DNAH3: variants seen among roughly 807,000 people sequenced by gnomAD.
DNAH3 encodes the protein axonemal beta dynein heavy chain 3.
DNAH3 carries 332 observed loss-of-function variants against 432.5 expected under a neutral mutation model. That is an observed-to-expected ratio of 0.77 (90% CI 0.70 to 0.84). The LOEUF (loss-of-function observed/expected upper bound fraction) is 0.84. Ranked by LOEUF, DNAH3 falls within the 40% of genes least tolerant of loss-of-function variation. The pLI, the probability that DNAH3 is intolerant of heterozygous loss-of-function variation, is 0.00. For synonymous variants in DNAH3, 1,956 were observed against 1,900.2 expected (o/e 1.03, Z -0.76); for missense variants, 4,861 against 5,114.0 (o/e 0.95, Z 1.51).
intron 16 of DNAH3, among the ~76,000 whole-genome samples, chr16:21,100,186 C>T (rs915411483): frequency 6.6e-6 from 1 of 152,104 alleles, no homozygotes; most frequent in Non-Finnish European, 1.5e-5. Context: ...ATTCTCCAGC[C>T]ACAGCCTCCC....
At chr16:21,023,689 T>C (rs368667112) in intron 39 of DNAH3, among the ~76,000 whole-genome samples, 1 of 151,942 alleles carries the variant, frequency 6.6e-6, no homozygotes. Context: ...CCAGATCACA[T>C]AGTCTCATGG....
intron 21 of DNAH3, among the ~76,000 whole-genome samples, chr16:21,071,524 C>T (rs1225796636): frequency 6.6e-6 from 1 of 152,170 alleles, no homozygotes; most frequent in Admixed American, 6.5e-5. Flanking sequence ...CTCAGAACTC[C>T]ACTCTCATGG....
rs753844968 is a variant in DNAH3, at chr16:20,941,561, A to G, written c.11512-18T>C. Reference sequence around the variant, plus strand: ...ACCACTTCCTTAAAATGCAGGCAGAAGAGAGGTGAGTGAGAAGCAAGCCCT... The same window carrying G: ...ACCACTTCCTTAAAATGCAGGCAGAGGAGAGGTGAGTGAGAAGCAAGCCCT... On this transcript the variant is annotated intron_variant, in intron 58 of 61. Transcript: ENST00000261383. The G allele has an allele frequency of 6.2e-7, 1 of 1,613,464 alleles. No individual in the cohort carries two copies. Among genetic ancestry groups the G allele is most frequent in the Admixed American group, 1.7e-5 (1 of 59,990 alleles).
chr16:21,128,818 C>G (rs1184344765), intron 7 of DNAH3, among the ~76,000 whole-genome samples: 1 of 149,554 alleles, frequency 6.7e-6, no homozygotes, highest in East Asian at 2.0e-4. Context: ...CTGATTGCAT[C>G]ACTGCACTCC....
intron 3 of DNAH3, among the ~76,000 whole-genome samples, chr16:21,144,893 G>A (rs1441150147): frequency 6.6e-6 from 1 of 151,992 alleles, no homozygotes; most frequent in Non-Finnish European, 1.5e-5. Context: ...TGAGGCAGGT[G>A]GATCACCTGA....
chr16:21,097,303 G>A (rs2091710067), intron 18 of DNAH3, 52 bp downstream of exon 18: 1 of 1,601,308 alleles, frequency 6.2e-7, no homozygotes. Context: ...GTGACTGGGT[G>A]GATCCTCCAC....
intron 19 of DNAH3, among the ~76,000 whole-genome samples, chr16:21,083,787 G>C (rs887320609): frequency 1.2e-4 from 18 of 152,114 alleles, no homozygotes; most frequent in Non-Finnish European, 2.6e-4. Context: ...CCAGGCCTGG[G>C]GCTGTCCCCA....
At chr16:20,945,781 C>T (rs1001521121) in intron 57 of DNAH3, among the ~76,000 whole-genome samples, 3 of 152,176 alleles carry the variant, frequency 2.0e-5, no homozygotes, top group Non-Finnish European at 2.9e-5. Flanking sequence ...TGAGCCACTG[C>T]GCCCGGCCTC....
At chr16:20,947,010 A>C (rs1322702320) in intron 57 of DNAH3, among the ~76,000 whole-genome samples, 1 of 151,512 alleles carries the variant, frequency 6.6e-6, no homozygotes, top group African/African-American at 2.4e-5. Flanking sequence ...TTTTTAGTAG[A>C]GACAGAATTT....
At chr16:21,125,142 C>T in intron 9 of DNAH3, 33 bp downstream of exon 10, 1 of 1,540,100 alleles carries the variant, frequency 6.5e-7, no homozygotes, top group South Asian at 1.3e-5. Flanking sequence ...GGTTATTCCC[C>T]TCAAAAGGTC....
At chr16:21,005,246 C>T (rs574417983) in intron 41 of DNAH3, among the ~76,000 whole-genome samples, 5 of 149,422 alleles carry the variant, frequency 3.3e-5, no homozygotes, top group Admixed American at 6.7e-5. Context: ...TCCCTCCCTC[C>T]CTTCTTCCTT....
At chr16:20,979,378 C>T (rs767871778) in exon 50 of DNAH3, 2 of 1,614,084 alleles carry the variant, frequency 1.2e-6, no homozygotes, top group Non-Finnish European at 8.5e-7. Context: ...GGTAGCGGTT[C>T]CTCATCATAG....
intron 12 of DNAH3, among the ~76,000 whole-genome samples, chr16:21,115,299 A>G (rs2092163526): frequency 1.3e-5 from 2 of 151,786 alleles, no homozygotes; most frequent in South Asian, 4.2e-4. Flanking sequence ...GTAAATGACG[A>G]GTTAATGGGT....
intron 46 of DNAH3, 105 bp from the exon 47 acceptor site, chr16:20,987,553 T>C: frequency 1.3e-6 from 2 of 1,542,066 alleles, no homozygotes; most frequent in Non-Finnish European, 1.8e-6. Context: ...TTGAACTAGA[T>C]AATGTTTATA....
intron 40 of DNAH3, among the ~76,000 whole-genome samples, chr16:21,020,550 C>G (rs2088154234): frequency 6.7e-6 from 1 of 148,554 alleles, no homozygotes; most frequent in Non-Finnish European, 1.5e-5. Context: ...TTACAGGCAC[C>G]CGCCACCTCA....
intron 37 of DNAH3, among the ~76,000 whole-genome samples, chr16:21,028,717 G>C: frequency 6.6e-6 from 1 of 151,910 alleles, no homozygotes; most frequent in Non-Finnish European, 1.5e-5. Context: ...AAACCCTGTA[G>C]GAAGTAGTGC....
In DNAH3 at chr16:21,039,821, T is replaced by C. The variant is rs766282326; in HGVS notation, c.4730+31A>G. 2.2e-5 allele frequency: 33 copies of C among 1,509,548 alleles called. No homozygotes were observed. The South Asian group carries it at 3.7e-4, about 17-fold the overall frequency. The allele number at this position is 1,509,548 out of a possible 1,614,324, so 93.5% of individuals were successfully genotyped here. On this transcript the variant is annotated intron_variant, in intron 33 of 61. Coordinates refer to ENST00000261383, the Ensembl canonical transcript of DNAH3. ...CAAAAAGCCGCTATTTAAAGTCCTTTAGAATGCACTGGAAAACCCATGTAA... is the reference window on the plus strand; with the variant it reads ...CAAAAAGCCGCTATTTAAAGTCCTTCAGAATGCACTGGAAAACCCATGTAA...
At chr16:21,119,883 T>A (rs1035002047) in intron 11 of DNAH3, among the ~76,000 whole-genome samples, 6 of 150,324 alleles carry the variant, frequency 4.0e-5, no homozygotes, top group African/African-American at 1.5e-4. Context: ...AGAGACGGGG[T>A]TTCACCATGT....
chr16:21,097,475 A>G (rs1293393115), exon 18 of DNAH3: 1 of 1,613,754 alleles, frequency 6.2e-7, no homozygotes, highest in Non-Finnish European at 8.5e-7. Flanking sequence ...TCCTTTTCCA[A>G]TAGCTCTTCC....
Sources: gnomAD v4.1 joint callset for allele counts (sites outside exome capture counted in the v4.1 genomes callset) on GRCh38, gnomAD v4.1.1 for gene constraint, MANE v1.5 for transcripts, NCBI Gene and HGNC (gene_info 2026-07-23, HGNC 2026-07-21) for gene names.